Variants in HTR2C observed in about 807,000 individuals in gnomAD.
HTR2C encodes 5-hydroxytryptamine (serotonin) receptor 2C, G protein-coupled.
Under a neutral mutation model 21.0 loss-of-function variants are expected in HTR2C, and 5 were observed. The observed-to-expected ratio is 0.24, with a 90% CI of 0.12 to 0.50. HTR2C has a LOEUF of 0.50. Ranked by LOEUF, HTR2C falls within the 20% of genes least tolerant of loss-of-function variation. The pLI is 0.98. For missense variants in HTR2C, 271 were observed against 371.2 expected, an observed-to-expected ratio of 0.73 and a Z score of 2.22; for synonymous variants, 150 against 145.3, an observed-to-expected ratio of 1.03 and a Z score of -0.23.
chrX:114,799,658 A>G (rs1353153337), intron 4 of HTR2C, among the ~76,000 whole-genome samples: 1 of 110,780 alleles, frequency 9.0e-6, no homozygotes, highest in Non-Finnish European at 1.9e-5. Flanking sequence ...TGAATTCAGC[A>G]GTAGATGTAT....
rs1425883774 is a variant in HTR2C at position 114,686,913 on chromosome X, A to G, written c.-79-39945A>G. Among the ~76,000 whole-genome samples, 4 of 111,298 alleles carry G rather than the reference A, an allele frequency of 3.6e-5. No individual in the cohort carries two copies. The East Asian group carries it at 1.1e-3, about 31-fold the overall frequency. ...TTCAATTTGTTTCTATTTTGAAAGA[A>G]GAGTGAGAAAAATTTTAAATTATTT... is the stretch of plus-strand genomic sequence containing the variant. On this transcript the variant is annotated intron_variant, in intron 2 of 5. Transcript: ENST00000276198.
Position 114,735,160 on chromosome X carries a change from C to CA in HTR2C, c.349+3560dup, listed in dbSNP as rs782301126. ...AGAGACCCAGTATCTACTAAAAATA[C>CA]AAAAAAATTATCTGGGTATGGTGCT... On this transcript the variant is annotated intron_variant, in intron 4 of 5. Coordinates refer to ENST00000276198, the MANE Select transcript of HTR2C (RefSeq NM_000868.4). Among the ~76,000 whole-genome samples, 20 of 109,616 alleles carry CA rather than the reference C, an allele frequency of 1.8e-4. 1 individual carries two copies. The highest frequency in any genetic ancestry group is 1.2e-3 in the Admixed American group (12 of 10,204).
chrX:114,596,403 A>G (rs1367848869), intron 1 of HTR2C, among the ~76,000 whole-genome samples: 2 of 112,253 alleles, frequency 1.8e-5, no homozygotes, highest in Admixed American at 1.9e-4. Context: ...GTTTAGCTTC[A>G]TGATTAGAAA....
At chrX:114,821,207 A>G (rs1300373228) in intron 4 of HTR2C, among the ~76,000 whole-genome samples, 1 of 103,074 alleles carries the variant, frequency 9.7e-6, no homozygotes, top group African/African-American at 3.5e-5. Context: ...TTCACTAACT[A>G]GAGAAAGCAG....
chrX:114,777,017 G>A (rs139165870), intron 4 of HTR2C, among the ~76,000 whole-genome samples: 2,068 of 111,869 alleles, frequency 0.018, 50 homozygotes, highest in African/African-American at 0.064. Context: ...CAGCACCAAA[G>A]CGTAAGTAAA....
intron 1 of HTR2C, among the ~76,000 whole-genome samples, chrX:114,607,236 C>A (rs1928500755): frequency 1.8e-5 from 2 of 111,742 alleles, no homozygotes. Context: ...GGCTCAGAGG[C>A]CTGACAACTT....
intron 4 of HTR2C, among the ~76,000 whole-genome samples, chrX:114,734,470 T>C (rs1556423996): frequency 9.4e-6 from 1 of 106,073 alleles, no homozygotes; most frequent in African/African-American, 3.5e-5. Context: ...TCTGAGACAC[T>C]GGATTTTTCA....
At chrX:114,722,338 T>C (rs1198132551) in intron 2 of HTR2C, among the ~76,000 whole-genome samples, 3 of 111,395 alleles carry the variant, frequency 2.7e-5, no homozygotes, top group Admixed American at 9.6e-5. Flanking sequence ...TGTATAAGAA[T>C]GCTTGTGATT....
chrX:114,753,955 G>A (rs782664657), intron 4 of HTR2C, among the ~76,000 whole-genome samples: 12 of 111,252 alleles, frequency 1.1e-4, no homozygotes, highest in Non-Finnish European at 1.5e-4. Flanking sequence ...TCAAAATGTC[G>A]GTAGGATTGC....
At chrX:114,840,828 A>G (rs1556465383) in intron 4 of HTR2C, among the ~76,000 whole-genome samples, 2 of 111,820 alleles carry the variant, frequency 1.8e-5, no homozygotes. Context: ...TTTAATAGAC[A>G]TCTAAGAACT....
chrX:114,859,069 G>T (rs2070986321), intron 5 of HTR2C, among the ~76,000 whole-genome samples: 1 of 108,922 alleles, frequency 9.2e-6, no homozygotes, highest in Non-Finnish European at 1.9e-5. Context: ...TTATATTTTA[G>T]TTAGGATGTT....
intron 5 of HTR2C, among the ~76,000 whole-genome samples, chrX:114,904,987 A>G (rs2071361602): frequency 9.0e-6 from 1 of 110,597 alleles, no homozygotes; most frequent in Non-Finnish European, 1.9e-5. Flanking sequence ...GCATTTCATC[A>G]AACTTGGTGA....
chrX:114,837,690 C>G (rs2070799485), intron 4 of HTR2C, among the ~76,000 whole-genome samples: 1 of 46,522 alleles, frequency 2.1e-5, no homozygotes, highest in Admixed American at 3.9e-4. Context: ...ATTCGCTAGT[C>G]CTACAGTCAA....
chrX:114,857,777 A>C (rs1014846890), intron 5 of HTR2C, among the ~76,000 whole-genome samples: 7 of 110,695 alleles, frequency 6.3e-5, no homozygotes, highest in Non-Finnish European at 1.1e-4. Context: ...GTTCAAGAGG[A>C]TATTCAAGAG....
intron 4 of HTR2C, among the ~76,000 whole-genome samples, chrX:114,740,039 G>T (rs183351482): frequency 0.019 from 2,133 of 109,702 alleles, 60 homozygotes; most frequent in African/African-American, 0.067. Context: ...AGCCCTGGAG[G>T]CTGAGGCTAC....
At chrX:114,814,628 CAT>C (rs1309264615) in intron 4 of HTR2C, among the ~76,000 whole-genome samples, 10 of 107,356 alleles carry the variant, frequency 9.3e-5, no homozygotes, top group African/African-American at 3.4e-4. Flanking sequence ...ATTAATGAAA[CAT>C]AAATTGTCCT....
chrX:114,841,266 A>G (rs2070831427), intron 4 of HTR2C, among the ~76,000 whole-genome samples: 1 of 112,286 alleles, frequency 8.9e-6, no homozygotes. Context: ...GACACATCGT[A>G]AAACAATTCA....
At chrX:114,607,165 G>T (rs893157909) in intron 1 of HTR2C, among the ~76,000 whole-genome samples, 9 of 111,851 alleles carry the variant, frequency 8.0e-5, no homozygotes, top group African/African-American at 2.0e-4. Flanking sequence ...TGATTCTTCA[G>T]TTACTTCAGG....
chrX:114,637,320 T>C (rs1166365788), intron 2 of HTR2C, among the ~76,000 whole-genome samples: 2 of 111,563 alleles, frequency 1.8e-5, no homozygotes, highest in Non-Finnish European at 1.9e-5. Context: ...CTTTGTTTTA[T>C]TCTGCCAGTC....
Sources: allele counts gnomAD v4.1 joint callset (sites outside exome capture counted in the v4.1 genomes callset), GRCh38; gene constraint gnomAD v4.1.1; transcripts MANE v1.5; gene names NCBI Gene and HGNC (gene_info 2026-07-23, HGNC 2026-07-21).